The following THSD7B variants were observed in gnomAD, a reference collection of about 807,000 sequenced individuals.
THSD7B encodes thrombospondin type 1 domain containing 7B, also known as thrombospondin type-1 domain-containing protein 7B.
In THSD7B, 138 loss-of-function variants were observed where a neutral mutation model predicts 213.6. That is an observed-to-expected ratio of 0.65 (90% CI 0.56 to 0.74). The LOEUF (loss-of-function observed/expected upper bound fraction) is 0.74, where lower values mean the gene tolerates loss of function less well. Ranked by LOEUF, THSD7B falls within the 30% of genes least tolerant of loss-of-function variation. THSD7B has a pLI of 0.00. For synonymous variants in THSD7B, 742 were observed against 687.0 expected, an observed-to-expected ratio of 1.08 and a Z score of -1.25; for missense variants, 1,931 against 1,991.5, an observed-to-expected ratio of 0.97 and a Z score of 0.58.
At chr2:136,915,339 A>G (rs775029048) in intron 2 of THSD7B, among the ~76,000 whole-genome samples, 9 of 152,238 alleles carry the variant, frequency 5.9e-5, no homozygotes, top group Non-Finnish European at 1.2e-4. Context: ...ACTTTATCAT[A>G]AATTGCTGCA....
intron 12 of THSD7B, among the ~76,000 whole-genome samples, chr2:137,401,656 A>T (rs1472263701): frequency 1.6e-5 from 2 of 128,496 alleles, no homozygotes; most frequent in African/African-American, 3.1e-5. Flanking sequence ...TTTTTTCTTC[A>T]ACTCTGCAGT....
chr2:137,485,504 G>C (rs920547738), intron 15 of THSD7B, among the ~76,000 whole-genome samples: 2 of 152,152 alleles, frequency 1.3e-5, no homozygotes, highest in Non-Finnish European at 2.9e-5. Flanking sequence ...TGGCGATGCG[G>C]GCCAAATCTA....
intron 4 of THSD7B, among the ~76,000 whole-genome samples, chr2:137,098,735 C>T (rs1019936145): frequency 6.6e-5 from 10 of 152,124 alleles, no homozygotes; most frequent in African/African-American, 2.2e-4. Context: ...GGATACTCTT[C>T]TCATTGCTCG....
intron 7 of THSD7B, among the ~76,000 whole-genome samples, chr2:137,179,419 C>T (rs1680413530): frequency 6.6e-6 from 1 of 151,840 alleles, no homozygotes; most frequent in African/African-American, 2.4e-5. Flanking sequence ...TCTATGTAGA[C>T]ACAAAAAAAG....
intron 1 of THSD7B, among the ~76,000 whole-genome samples, chr2:136,806,630 G>A (rs906602904): frequency 3.3e-5 from 5 of 152,110 alleles, no homozygotes; most frequent in South Asian, 4.2e-4. Flanking sequence ...CCCAGTGCCC[G>A]GTTTCCCCTG....
Position 137,522,339 on chromosome 2 carries a change from G to A in THSD7B, c.3139-40882G>A, listed in dbSNP as rs756354382. Among the ~76,000 whole-genome samples the A allele has an allele frequency of 7.9e-5, 12 of 152,296 alleles. No homozygotes were observed. The South Asian group carries it at 1.2e-3, about 16-fold the overall frequency. The stretch of plus-strand genomic sequence containing the variant: ...TGCGCTTGTTTCTTTTGTAACATGA[G>A]TGAGTCACTTAATGTCTCAATGTAT... On this transcript the variant is annotated intron_variant, in intron 15 of 27. Coordinates refer to ENST00000409968, the MANE Select transcript of THSD7B (RefSeq NM_001316349.2).
intron 15 of THSD7B, among the ~76,000 whole-genome samples, chr2:137,509,505 T>G (rs1244727079): frequency 6.6e-6 from 1 of 152,182 alleles, no homozygotes; most frequent in Admixed American, 6.5e-5. Context: ...TATTGATCTA[T>G]ATTGAATTTT....
intron 2 of THSD7B, among the ~76,000 whole-genome samples, chr2:137,034,401 G>A (rs1191775449): frequency 6.6e-6 from 1 of 152,068 alleles, no homozygotes; most frequent in Non-Finnish European, 1.5e-5. Flanking sequence ...ACCACACCCA[G>A]CCAAATTTTC....
At chr2:137,277,184 A>T (rs1682895833) in intron 12 of THSD7B, among the ~76,000 whole-genome samples, 1 of 152,078 alleles carries the variant, frequency 6.6e-6, no homozygotes, top group Non-Finnish European at 1.5e-5. Flanking sequence ...TTACTCTATG[A>T]TATTACAATA....
intron 21 of THSD7B, among the ~76,000 whole-genome samples, chr2:137,646,670 A>AATG (rs1683038233): frequency 6.7e-6 from 1 of 148,590 alleles, no homozygotes. Context: ...TAATAATAAT[A>AATG]ATAATAATAA....
chr2:137,403,736 C>T (rs1178883680), intron 12 of THSD7B, among the ~76,000 whole-genome samples: 3 of 152,132 alleles, frequency 2.0e-5, no homozygotes, highest in Non-Finnish European at 4.4e-5. Flanking sequence ...TCATATACAT[C>T]CATGGTTAGG....
At chr2:137,337,857 T>C (rs1684674955) in intron 12 of THSD7B, among the ~76,000 whole-genome samples, 1 of 152,122 alleles carries the variant, frequency 6.6e-6, no homozygotes. Flanking sequence ...TATCATTATG[T>C]TGTTGCTCAA....
At chr2:137,080,799 C>A (rs901918813) in intron 3 of THSD7B, among the ~76,000 whole-genome samples, 1 of 151,858 alleles carries the variant, frequency 6.6e-6, no homozygotes, top group Admixed American at 6.6e-5. Flanking sequence ...TAGTCCTGAC[C>A]CCATTCTCAT....
At chr2:136,902,923 C>T (rs1432520937) in intron 2 of THSD7B, among the ~76,000 whole-genome samples, 1 of 152,122 alleles carries the variant, frequency 6.6e-6, no homozygotes. Flanking sequence ...CCAAGAATGA[C>T]CAGTGTTACA....
intron 3 of THSD7B, among the ~76,000 whole-genome samples, chr2:137,077,512 A>G (rs1009525647): frequency 8.5e-5 from 13 of 152,048 alleles, no homozygotes; most frequent in South Asian, 2.1e-4. Context: ...TTTAATGATC[A>G]CCATTCTAAC....
At chr2:137,332,343 C>T (rs957506067) in intron 12 of THSD7B, among the ~76,000 whole-genome samples, 3 of 152,098 alleles carry the variant, frequency 2.0e-5, no homozygotes, top group Admixed American at 6.5e-5. Flanking sequence ...AGACTTGCAC[C>T]GGCCCTGAGT....
At chr2:137,032,312 G>C (rs544978710) in intron 2 of THSD7B, among the ~76,000 whole-genome samples, 1 of 152,172 alleles carries the variant, frequency 6.6e-6, no homozygotes, top group East Asian at 1.9e-4. Context: ...ACTTTGACTT[G>C]CCTGTCTCTG....
chr2:137,078,788 T>G (rs1261702357), intron 3 of THSD7B, among the ~76,000 whole-genome samples: 2 of 152,184 alleles, frequency 1.3e-5, no homozygotes, highest in African/African-American at 4.8e-5. Context: ...TAGATTCTTA[T>G]AGTGTTTTAT....
At chr2:137,408,957 G>T (rs1398829060) in intron 13 of THSD7B, among the ~76,000 whole-genome samples, 1 of 152,188 alleles carries the variant, frequency 6.6e-6, no homozygotes, top group African/African-American at 2.4e-5. Flanking sequence ...AAGGCCAGAA[G>T]CAAAATGAGT....
Sources: allele counts gnomAD v4.1 joint callset (sites outside exome capture counted in the v4.1 genomes callset), GRCh38; gene constraint gnomAD v4.1.1; transcripts MANE v1.5; gene names NCBI Gene and HGNC (gene_info 2026-07-23, HGNC 2026-07-21).